SLX4IP: variants seen among roughly 807,000 people sequenced by gnomAD.
The protein encoded by SLX4IP is protein SLX4IP.
Under a neutral mutation model 32.9 loss-of-function variants are expected in SLX4IP, and 34 were observed. That is an observed-to-expected ratio of 1.03 (90% CI 0.79 to 1.38). SLX4IP has a LOEUF of 1.38. SLX4IP is among the 40% of genes most tolerant of loss of function. The pLI, the probability that SLX4IP is intolerant of heterozygous loss-of-function variation, is 0.00. For missense variants in SLX4IP, 444 were observed against 479.0 expected (o/e 0.93, Z 0.68); for synonymous variants, 172 against 171.7 (o/e 1.00, Z -0.01).
At chr20:10,592,692 T>TG (rs1419429121) in intron 4 of SLX4IP, among the ~76,000 whole-genome samples, 1 of 123,612 alleles carries the variant, frequency 8.1e-6, no homozygotes, top group Non-Finnish European at 1.6e-5. Flanking sequence ...CGGAGTGCAG[T>TG]GCCATGATCT....
intron 2 of SLX4IP, among the ~76,000 whole-genome samples, chr20:10,514,056 A>G (rs2065831224): frequency 6.6e-6 from 1 of 151,998 alleles, no homozygotes; most frequent in African/African-American, 2.4e-5. Context: ...TTTTTTGTAC[A>G]TTTTCCAAAG....
At chr20:10,550,763 T>C (rs574070766) in intron 2 of SLX4IP, among the ~76,000 whole-genome samples, 1 of 152,356 alleles carries the variant, frequency 6.6e-6, no homozygotes, top group East Asian at 1.9e-4. Flanking sequence ...GCTCTTTCTC[T>C]GCATGGGGCG....
At chr20:10,530,399 C>T (rs2065978568) in intron 2 of SLX4IP, among the ~76,000 whole-genome samples, 2 of 152,070 alleles carry the variant, frequency 1.3e-5, no homozygotes, top group South Asian at 4.1e-4. Flanking sequence ...TTTTGAGTTC[C>T]CTCTGAAGCT....
At chr20:10,571,229 C>T (rs912809573) in intron 4 of SLX4IP, among the ~76,000 whole-genome samples, 2 of 152,154 alleles carry the variant, frequency 1.3e-5, no homozygotes, top group Non-Finnish European at 2.9e-5. Flanking sequence ...AGCAGTCTGG[C>T]TGCTTAGGAG....
intron 2 of SLX4IP, among the ~76,000 whole-genome samples, chr20:10,531,281 A>G (rs1222682865): frequency 1.3e-5 from 2 of 152,218 alleles, no homozygotes; most frequent in Non-Finnish European, 2.9e-5. Flanking sequence ...ATGGACAGAT[A>G]CAGTTTCATG....
At chr20:10,482,105 C>T (rs956773141) in intron 2 of SLX4IP, among the ~76,000 whole-genome samples, 1 of 152,218 alleles carries the variant, frequency 6.6e-6, no homozygotes, top group Admixed American at 6.5e-5. Context: ...GGTGTGAAAA[C>T]CAGGAGGCAG....
chr20:10,448,650 A>G (rs895068402), intron 1 of SLX4IP, among the ~76,000 whole-genome samples: 1 of 152,138 alleles, frequency 6.6e-6, no homozygotes, highest in Non-Finnish European at 1.5e-5. Flanking sequence ...GGACTCAGGC[A>G]CTCTGACAGC....
intron 2 of SLX4IP, among the ~76,000 whole-genome samples, chr20:10,510,833 C>T (rs979188064): frequency 2.0e-5 from 3 of 152,034 alleles, no homozygotes; most frequent in African/African-American, 4.8e-5. Context: ...CTCGATCTCT[C>T]GACCTCATGA....
chr20:10,466,252 A>C (rs2122355018), intron 2 of SLX4IP, among the ~76,000 whole-genome samples: 1 of 152,334 alleles, frequency 6.6e-6, no homozygotes, highest in South Asian at 2.1e-4. Flanking sequence ...GGTCGCTCTC[A>C]ATAATAATTC....
chr20:10,602,419 A>G (rs1404392452), intron 6 of SLX4IP, among the ~76,000 whole-genome samples: 1 of 152,188 alleles, frequency 6.6e-6, no homozygotes, highest in African/African-American at 2.4e-5. Flanking sequence ...CTCTTCAGAC[A>G]AATAGATAAA....
chr20:10,453,307 C>CGTGTGTGTGTATGTGTGT (rs71311136), intron 1 of SLX4IP, among the ~76,000 whole-genome samples: 30 of 142,966 alleles, frequency 2.1e-4, no homozygotes, highest in African/African-American at 7.0e-4. Flanking sequence ...AAAACTCATC[C>CGTGTGTGTGTATGTGTGT]GTGTGTGTGT....
At chr20:10,458,261 G>A in intron 2 of SLX4IP, 30 bp downstream of exon 2, 1 of 1,548,942 alleles carries the variant, frequency 6.5e-7, no homozygotes, top group Middle Eastern at 1.7e-4. Context: ...TTTTTAAAAA[G>A]AGGCTAATCA....
At chr20:10,622,598 T>G (rs2067124002) in intron 7 of SLX4IP, 61 bp from the exon 8 acceptor site, 1 of 1,526,076 alleles carries the variant, frequency 6.6e-7, no homozygotes, top group African/African-American at 1.4e-5. Context: ...GTAGAGGGAA[T>G]CTGGAGGAAA....
chr20:10,591,868 G>A (rs765042253), intron 4 of SLX4IP, among the ~76,000 whole-genome samples: 5 of 152,154 alleles, frequency 3.3e-5, no homozygotes, highest in African/African-American at 4.8e-5. Context: ...ATTTTTGTCT[G>A]CTCTGAAAAG....
intron 2 of SLX4IP, among the ~76,000 whole-genome samples, chr20:10,505,220 C>G (rs949459342): frequency 3.3e-5 from 5 of 152,158 alleles, no homozygotes; most frequent in African/African-American, 1.2e-4. Flanking sequence ...GCAAACAGCC[C>G]AGAATCCAGA....
intron 2 of SLX4IP, among the ~76,000 whole-genome samples, chr20:10,507,302 C>T (rs2065767765): frequency 6.9e-6 from 1 of 144,096 alleles, no homozygotes; most frequent in Non-Finnish European, 1.5e-5. Flanking sequence ...GTGCCCCAGG[C>T]AGAGGAACAG....
intron 4 of SLX4IP, among the ~76,000 whole-genome samples, chr20:10,562,962 A>G (rs1244479572): frequency 6.6e-6 from 1 of 152,116 alleles, no homozygotes; most frequent in African/African-American, 2.4e-5. Context: ...TGGTAATTCT[A>G]TTTGTAGATT....
chr20:10,498,951 C>G (rs777780177), intron 2 of SLX4IP, among the ~76,000 whole-genome samples: 3 of 151,968 alleles, frequency 2.0e-5, no homozygotes, highest in Non-Finnish European at 2.9e-5. Context: ...AGCATTTGGA[C>G]AATAAATTAT....
At chr20:10,477,354 C>T (rs1006482570) in intron 2 of SLX4IP, among the ~76,000 whole-genome samples, 3 of 152,134 alleles carry the variant, frequency 2.0e-5, no homozygotes, top group Admixed American at 6.5e-5. Flanking sequence ...CCATGTTGGT[C>T]AGGCTGGTCT....
Sources: allele counts gnomAD v4.1 joint callset (sites outside exome capture counted in the v4.1 genomes callset), GRCh38; gene constraint gnomAD v4.1.1; transcripts MANE v1.5; gene names NCBI Gene and HGNC (gene_info 2026-07-23, HGNC 2026-07-21).